The following CALCOCO2 variants were observed in gnomAD, a reference collection of about 807,000 sequenced individuals.
CALCOCO2 encodes the protein calcium binding and coiled-coil domain 2, also known as calcium-binding and coiled-coil domain-containing protein 2.
A neutral mutation model predicts 62.5 loss-of-function variants in CALCOCO2; 42 were observed. The observed-to-expected ratio is 0.67, with a 90% CI of 0.53 to 0.87. The LOEUF is 0.87. Among genes scored for constraint, CALCOCO2 ranks in the 40% least tolerant of loss-of-function variants. The probability of loss-of-function intolerance (pLI) is 0.00; values close to 1 mark genes in which losing one functional copy is unlikely to be tolerated. For synonymous variants in CALCOCO2, 167 were observed against 173.0 expected, an observed-to-expected ratio of 0.97 and a Z score of 0.27; for missense variants, 456 against 515.0, an observed-to-expected ratio of 0.89 and a Z score of 1.11.
chr17:48,834,106 C>T (rs1341714494), intron 1 of CALCOCO2, among the ~76,000 whole-genome samples: 10 of 69,814 alleles, frequency 1.4e-4, no homozygotes, highest in South Asian at 5.4e-4. Context: ...GACCCTATGT[C>T]AAAAAAAAAA....
chr17:48,853,132 T>C, intron 9 of CALCOCO2, 120 bp downstream of exon 9: 1 of 660,282 alleles, frequency 1.5e-6, no homozygotes, highest in Non-Finnish European at 2.7e-6. Flanking sequence ...CCTCTAGATG[T>C]TTTGCTTTCT....
intron 10 of CALCOCO2, among the ~76,000 whole-genome samples, chr17:48,859,465 G>A (rs536903032): frequency 2.6e-5 from 4 of 152,092 alleles, no homozygotes; most frequent in South Asian, 2.1e-4. Context: ...AGCCAGGCAC[G>A]GTGTCGTGTG....
At chr17:48,854,706 A>T (rs2040188158) in intron 9 of CALCOCO2, among the ~76,000 whole-genome samples, 1 of 151,332 alleles carries the variant, frequency 6.6e-6, no homozygotes, top group South Asian at 2.1e-4. Context: ...GCACCCGGCC[A>T]ATTTTCTTAG....
chr17:48,856,661 ATTCATTCATTGG>A, intron 10 of CALCOCO2: 1 of 453,742 alleles, frequency 2.2e-6, no homozygotes, highest in South Asian at 1.6e-5. Flanking sequence ...TCATTCATTC[ATTCATTCATTGG>A]TTCATTCATT....
At chr17:48,836,758 C>CTTTT (rs762035927) in intron 1 of CALCOCO2, among the ~76,000 whole-genome samples, 1 of 122,356 alleles carries the variant, frequency 8.2e-6, no homozygotes, top group Non-Finnish European at 1.7e-5. Context: ...GGAAGTCACT[C>CTTTT]TTTTTTTTTT....
chr17:48,853,934 T>C (rs1206407165), intron 9 of CALCOCO2, among the ~76,000 whole-genome samples: 1 of 152,156 alleles, frequency 6.6e-6, no homozygotes, highest in Non-Finnish European at 1.5e-5. Context: ...ATTCAGTTCC[T>C]TCGTTTGATT....
At chr17:48,856,960 G>A (rs554151385) in intron 10 of CALCOCO2, among the ~76,000 whole-genome samples, 16 of 134,170 alleles carry the variant, frequency 1.2e-4, no homozygotes, top group Non-Finnish European at 2.3e-4. Context: ...CACCATGCCC[G>A]GCTAATTTTT....
At position 48,841,861 on chromosome 17, in the gene CALCOCO2, C is replaced by T. The variant is rs754941587; in HGVS notation, c.154C>T (p.Arg52Ter). 3.1e-6 allele frequency: 5 copies of T among 1,612,156 alleles called. No individual in the cohort carries two copies. The South Asian group carries it at 3.3e-5, about 11-fold the overall frequency. Residue 52 changes from arginine (R) to a stop codon, truncating the protein, a stop_gained, in exon 2 of 13, where the codon CGA (arginine) becomes TGA (stop). Transcript: ENST00000258947. LOFTEE classifies it high-confidence loss of function. The stretch of plus-strand genomic sequence containing the variant: ...CTTCACCCAGCATTTCATCCCTCGT[C>T]GAAAGGATTGGATTGGCATCTTTAG... ...YTFTQHFIPR[R>*]KDWIGIFRVG...
At position 48,862,931 on chromosome 17, in the gene CALCOCO2, C is replaced by A; in HGVS notation, c.1267C>A (p.Pro423Thr). 1.2e-6 allele frequency: 2 copies of A among 1,613,614 alleles called. No homozygotes were observed. Among genetic ancestry groups the A allele is most frequent in the Non-Finnish European group, 1.7e-6 (2 of 1,179,530 alleles). ...GATGCAGCCCCTTTGTTTCAATTGTCCAATTTGTGACAAGATCTTCCCAGC... is the reference window on the plus strand; with the variant it reads ...GATGCAGCCCCTTTGTTTCAATTGTACAATTTGTGACAAGATCTTCCCAGC... ...QQMQPLCFNC[P>T]ICDKIFPATE... The change falls in exon 13 of 13, where the codon CCA becomes ACA. Residue 423 changes from proline to threonine, a missense_variant. This residue lies in a region of CALCOCO2 where 172 missense variants were observed against 210.3 expected (regional missense o/e 0.82). Transcript: ENST00000258947.
intron 9 of CALCOCO2, 60 bp downstream of exon 9, chr17:48,853,072 A>T: frequency 8.9e-7 from 1 of 1,121,176 alleles, no homozygotes; most frequent in South Asian, 1.3e-5. Context: ...GAAGAAAAGG[A>T]TATGGGCCTA....
intron 1 of CALCOCO2, chr17:48,831,757 A>T (rs1029152218): frequency 2.6e-5 from 4 of 152,088 alleles, no homozygotes; most frequent in African/African-American, 9.7e-5. Flanking sequence ...CTTTTCTATC[A>T]CTTGGATTCT....
chr17:48,851,806 C>G, intron 7 of CALCOCO2, 178 bp downstream of exon 7: 1 of 541,482 alleles, frequency 1.8e-6, no homozygotes, highest in Non-Finnish European at 3.3e-6. Flanking sequence ...AGCCTCCACC[C>G]TACCCATGCC....
At chr17:48,853,936 C>T (rs907071243) in intron 9 of CALCOCO2, among the ~76,000 whole-genome samples, 2 of 152,120 alleles carry the variant, frequency 1.3e-5, no homozygotes, top group African/African-American at 2.4e-5. Context: ...TCAGTTCCTT[C>T]GTTTGATTAC....
At chr17:48,840,905 C>T (rs1402466699) in intron 1 of CALCOCO2, among the ~76,000 whole-genome samples, 1 of 152,196 alleles carries the variant, frequency 6.6e-6, no homozygotes, top group Non-Finnish European at 1.5e-5. Flanking sequence ...TTTATGCAGA[C>T]TCTGTGCTAA....
At position 48,847,958 on chromosome 17, in the gene CALCOCO2, A is replaced by G. The variant is rs1226042585; in HGVS notation, c.181-106A>G. On this transcript the variant is annotated intron_variant, in intron 2 of 12. Coordinates refer to ENST00000258947, the MANE Select transcript of CALCOCO2 (RefSeq NM_005831.5). The stretch of plus-strand genomic sequence containing the variant: ...GCATGAGCCACTGCACCCGGCCTAT[A>G]TTTTCAATATATACAAATAAAAAGT... 22 of 676,508 alleles carry G rather than the reference A, an allele frequency of 3.3e-5. No homozygotes were observed. In the East Asian group the frequency reaches 5.8e-4, roughly 18 times the overall value. The allele number at this position is 676,508 out of a possible 1,614,324, so 41.9% of individuals were successfully genotyped here.
intron 10 of CALCOCO2, among the ~76,000 whole-genome samples, chr17:48,857,770 C>G (rs976056364): frequency 3.4e-5 from 5 of 148,780 alleles, no homozygotes; most frequent in African/African-American, 1.2e-4. Context: ...GTCAGGAGAT[C>G]GAGACCATCC....
rs1368051863 is a variant in CALCOCO2, at chr17:48,853,070, G to T, written c.912+58G>T. On this transcript the variant is annotated intron_variant, in intron 9 of 12. Coordinates refer to ENST00000258947, the MANE Select transcript of CALCOCO2 (RefSeq NM_005831.5). ...GAGCCTATAGGGATGTAGAAGAAAA[G>T]GATATGGGCCTATTTTCCGGTTGAT... 2.6e-6 allele frequency: 3 copies of T among 1,153,106 alleles called. No individual in the cohort carries two copies. In the African/African-American group the frequency reaches 4.6e-5, roughly 18 times the overall value. 71.4% of individuals were successfully genotyped at this position (1,153,106 alleles called of 1,614,324 possible).
chr17:48,842,154 C>CTTTTTTTTTTTTTTTTTTTTTTTCT (rs200836727), intron 2 of CALCOCO2: 1 of 135,484 alleles, frequency 7.4e-6, no homozygotes, highest in Non-Finnish European at 1.5e-5. Context: ...TTTTTCTTTT[C>CTTTTTTTTTTTTTTTTTTTTTTTCT]TTTTTTTTTT....
At chr17:48,857,747 G>T (rs530308259) in intron 10 of CALCOCO2, among the ~76,000 whole-genome samples, 1 of 149,672 alleles carries the variant, frequency 6.7e-6, no homozygotes, top group African/African-American at 2.4e-5. Flanking sequence ...GGCCAAGGCA[G>T]GTGGATCACA....
Sources: allele counts gnomAD v4.1 joint callset (sites outside exome capture counted in the v4.1 genomes callset), GRCh38; gene constraint gnomAD v4.1.1; regional missense constraint gnomAD v4.1.1; transcripts MANE v1.5; gene names NCBI Gene and HGNC (gene_info 2026-07-23, HGNC 2026-07-21).